EDEM2: variants seen among roughly 807,000 people sequenced by gnomAD.
The protein encoded by EDEM2 is ER degradation enhancing alpha-mannosidase like protein 2.
Under a neutral mutation model 64.8 loss-of-function variants are expected in EDEM2, and 39 were observed. The observed-to-expected ratio is 0.60, with a 90% confidence interval of 0.47 to 0.79. The LOEUF is 0.79. Among genes scored for constraint, EDEM2 ranks in the 30% least tolerant of loss-of-function variants. EDEM2 has a pLI of 0.00. For synonymous variants in EDEM2, 296 were observed against 291.5 expected, an observed-to-expected ratio of 1.02 and a Z score of -0.16; for missense variants, 609 against 731.3, an observed-to-expected ratio of 0.83 and a Z score of 1.93.
Position 35,144,885 on chromosome 20 carries a change from G to A in EDEM2, c.258+94C>T, listed in dbSNP as rs1389239778. ...AGATGCAAATAAAAGGCCTAGGAGA[G>A]GAATTCATTTTTCACCCACAGTCAC... On this transcript the variant is annotated intron_variant, in intron 3 of 10. Transcript: ENST00000374492. The A allele has an allele frequency of 3.5e-6, 5 of 1,412,082 alleles. No homozygotes were observed. In the African/African-American group the frequency reaches 4.3e-5, roughly 12 times the overall value. The allele number at this position is 1,412,082 out of a possible 1,614,324, so 87.5% of individuals were successfully genotyped here. A position where few individuals can be genotyped will look rare whatever the true frequency, so the allele number is the denominator to read the frequency against.
intron 3 of EDEM2, among the ~76,000 whole-genome samples, chr20:35,143,373 T>A (rs1392965581): frequency 6.6e-6 from 1 of 152,148 alleles, no homozygotes; most frequent in Non-Finnish European, 1.5e-5. Context: ...CAGACTCGAT[T>A]TCTGAAGTGA....
chr20:35,145,390 G>T (rs909779680), intron 2 of EDEM2, among the ~76,000 whole-genome samples: 1 of 152,186 alleles, frequency 6.6e-6, no homozygotes, highest in Non-Finnish European at 1.5e-5. Flanking sequence ...GTATTGCTTA[G>T]AACAGCAAGA....
At position 35,126,352 on chromosome 20, in the gene EDEM2, A is replaced by G. The variant is rs2085432058; in HGVS notation, c.868T>C (p.Tyr290His). The change falls in exon 8 of 11, where the codon TAC (tyrosine) becomes CAC (histidine). Residue 290 changes from tyrosine (Y) to histidine (H), a missense_variant. Tyr to His is a moderately conservative substitution (Grantham distance 83). Coordinates refer to ENST00000374492, the MANE Select transcript of EDEM2 (RefSeq NM_018217.3). ...FLEYNKAIRN[Y>H]TRFDDWYLWV... Reference sequence around the variant, plus strand: ...AGGTACCAGTCATCGAAGCGGGTGTAGTTCCGGATGGCTTTGTTATACTCT... The same window carrying G: ...AGGTACCAGTCATCGAAGCGGGTGTGGTTCCGGATGGCTTTGTTATACTCT... 1.2e-6 allele frequency: 2 copies of G among 1,613,960 alleles called. No individual in the cohort carries two copies. The highest frequency in any genetic ancestry group is 1.7e-6 in the Non-Finnish European group (2 of 1,180,022).
At chr20:35,123,703 A>C (rs530365217) in intron 9 of EDEM2, among the ~76,000 whole-genome samples, 187 bp downstream of exon 9, 1 of 152,368 alleles carries the variant, frequency 6.6e-6, no homozygotes, top group South Asian at 2.1e-4. Flanking sequence ...ACTAGGCCTC[A>C]GTTTCCATAT....
intron 5 of EDEM2, among the ~76,000 whole-genome samples, chr20:35,136,826 GCA>G (rs1221402310): frequency 6.6e-6 from 1 of 151,382 alleles, no homozygotes; most frequent in Non-Finnish European, 1.5e-5. Context: ...GTGATGGAAA[GCA>G]CAGTGTGACG....
intron 4 of EDEM2, among the ~76,000 whole-genome samples, chr20:35,139,948 AT>A (rs2085630677): frequency 6.6e-6 from 1 of 152,192 alleles, no homozygotes; most frequent in South Asian, 2.1e-4. Context: ...CTTCTTAACA[AT>A]AATGAAACCA....
intron 2 of EDEM2, among the ~76,000 whole-genome samples, chr20:35,146,002 C>CAAAA (rs138113879): frequency 1.3e-4 from 11 of 82,792 alleles, no homozygotes; most frequent in Middle Eastern, 7.4e-3. Context: ...AACTCCATCT[C>CAAAA]AAAAAAAAAA....
At chr20:35,147,122 C>T in intron 1 of EDEM2, 30 bp downstream of exon 1, 3 of 1,593,032 alleles carry the variant, frequency 1.9e-6, no homozygotes, top group Middle Eastern at 1.7e-4. Flanking sequence ...TTCCCATTCC[C>T]CAACTGCGAA....
intron 5 of EDEM2, among the ~76,000 whole-genome samples, chr20:35,135,514 G>T (rs2085564207): frequency 6.6e-6 from 1 of 152,210 alleles, no homozygotes; most frequent in Admixed American, 6.5e-5. Flanking sequence ...AGGCAAGCGT[G>T]GTGGTGCACG....
intron 4 of EDEM2, among the ~76,000 whole-genome samples, chr20:35,141,964 G>A (rs1000221783): frequency 6.6e-6 from 1 of 152,118 alleles, no homozygotes; most frequent in Non-Finnish European, 1.5e-5. Flanking sequence ...ATGCTCAATA[G>A]CTCATGTGGT....
intron 3 of EDEM2, among the ~76,000 whole-genome samples, chr20:35,143,494 T>G (rs2085685876): frequency 1.3e-5 from 2 of 152,354 alleles, no homozygotes; most frequent in Middle Eastern, 3.4e-3. Context: ...CACAGTTGCG[T>G]AGCTGACCCA....
intron 9 of EDEM2, among the ~76,000 whole-genome samples, chr20:35,119,457 G>A (rs747154667): frequency 2.0e-5 from 3 of 152,260 alleles, no homozygotes; most frequent in Middle Eastern, 3.4e-3. Context: ...TTAGCTGGGT[G>A]TGGCATGCAC....
Position 35,121,601 on chromosome 20 carries a change from G to C in EDEM2, c.1114+2289C>G, listed in dbSNP as rs137942444. On this transcript the variant is annotated intron_variant, in intron 9 of 10. Transcript: ENST00000374492. ...AGCCCAAAGTTCAGATTTGGACTTA[G>C]AGGAAGGTAAAAGCCTGCAGAGGCC... 9.8e-5 allele frequency among the ~76,000 whole-genome samples: 15 copies of C among 152,330 alleles called. No homozygotes were observed. The East Asian group carries it at 2.9e-3, about 29-fold the overall frequency.
chr20:35,139,061 G>A (rs1170504840), intron 4 of EDEM2, among the ~76,000 whole-genome samples: 2 of 152,090 alleles, frequency 1.3e-5, no homozygotes, highest in Admixed American at 6.6e-5. Flanking sequence ...CTGATAAAAG[G>A]TCCCTATGCA....
intron 3 of EDEM2, among the ~76,000 whole-genome samples, chr20:35,143,882 C>T (rs2085692544): frequency 1.3e-5 from 2 of 151,950 alleles, no homozygotes; most frequent in South Asian, 4.2e-4. Context: ...CCCTTTTTAC[C>T]TTTCTAAGCA....
At chr20:35,118,837 A>C in intron 9 of EDEM2, 118 bp from the exon 10 acceptor site, 1 of 1,410,614 alleles carries the variant, frequency 7.1e-7, no homozygotes, top group African/African-American at 1.4e-5. Flanking sequence ...CCCAACTAGC[A>C]GGAACACAGG....
At chr20:35,121,449 T>C (rs895821321) in intron 9 of EDEM2, among the ~76,000 whole-genome samples, 6 of 152,184 alleles carry the variant, frequency 3.9e-5, no homozygotes, top group Non-Finnish European at 7.4e-5. Flanking sequence ...GCTATAAATA[T>C]AGATGAAGCT....
At chr20:35,142,895 C>A (rs1306394301) in intron 3 of EDEM2, among the ~76,000 whole-genome samples, 5 of 151,958 alleles carry the variant, frequency 3.3e-5, no homozygotes, top group Non-Finnish European at 5.9e-5. Context: ...CCCCGAGTAG[C>A]TGGGATTATG....
intron 4 of EDEM2, 101 bp downstream of exon 4, chr20:35,142,272 C>T (rs2085665055): frequency 2.1e-6 from 2 of 951,084 alleles, no homozygotes; most frequent in Non-Finnish European, 3.2e-6. Flanking sequence ...GCCAAGGGTC[C>T]TGGCATGGTC....
Sources: allele counts gnomAD v4.1 joint callset (sites outside exome capture counted in the v4.1 genomes callset), GRCh38; gene constraint gnomAD v4.1.1; transcripts MANE v1.5; gene names NCBI Gene and HGNC (gene_info 2026-07-23, HGNC 2026-07-21).